Variants in EHMT1 observed in about 807,000 individuals in gnomAD.
EHMT1 encodes histone-lysine N-methyltransferase EHMT1.
In EHMT1, 15 loss-of-function variants were observed where a neutral mutation model predicts 147.2. The observed-to-expected ratio is 0.10, with a 90% CI of 0.07 to 0.16. The LOEUF (loss-of-function observed/expected upper bound fraction) is 0.16. Ranked by LOEUF, EHMT1 falls within the 10% of genes least tolerant of loss-of-function variation. EHMT1 has a pLI of 1.00. For missense variants in EHMT1, 1,587 were observed against 1,772.4 expected, an observed-to-expected ratio of 0.90 and a Z score of 1.88; for synonymous variants, 795 against 709.6, an observed-to-expected ratio of 1.12 and a Z score of -1.91.
chr9:137,760,827 G>A (rs1387823691), intron 9 of EHMT1, among the ~76,000 whole-genome samples: 1 of 152,184 alleles, frequency 6.6e-6, no homozygotes, highest in Non-Finnish European at 1.5e-5. Context: ...GGCTAACACA[G>A]TGAAACCCCG....
In EHMT1 at chr9:137,776,007, G is replaced by A. The variant is rs539345707; in HGVS notation, c.1792-611G>A. ...AGCTTCAGGCACCCAGAGATGCCCT[G>A]CTGCCCCTTTACGAACATGGGCCAA... is the stretch of plus-strand genomic sequence containing the variant. On this transcript the variant is annotated intron_variant, in intron 11 of 26. Transcript: ENST00000460843. This position sits in a 1 kb window ranked among gnomAD's most constrained non-coding sequence, Gnocchi z 4.4. 4.2e-4 allele frequency among the ~76,000 whole-genome samples: 64 copies of A among 152,276 alleles called. No individual in the cohort carries two copies. In the Middle Eastern group the frequency reaches 0.01, roughly 24 times the overall value.
In EHMT1 at chr9:137,776,792, G is replaced by A. The variant is rs376445192; in HGVS notation, c.1966G>A (p.Gly656Arg). 1.5e-5 allele frequency: 24 copies of A among 1,613,934 alleles called. No homozygotes were observed. Among genetic ancestry groups the A allele is most frequent in the African/African-American group, 5.3e-5 (4 of 74,912 alleles). ...CACCTCGACCGTGACACCAGTCCCC[G>A]GGCAGGAGAAGGGCTCGGCCCTGGA... ...DTTSTVTPVP[G>R]QEKGSALEGR... Residue 656 changes from glycine to arginine, a missense_variant, in exon 12 of 27, where the codon GGG (glycine) becomes AGG (arginine). Gly to Arg is a moderately radical substitution (Grantham distance 125). Around this residue, in one of 7 missense-constraint regions of EHMT1, gnomAD observed 124 missense variants for 197.8 expected, o/e 0.63. Coordinates refer to ENST00000460843, the MANE Select transcript of EHMT1 (RefSeq NM_024757.5). This position sits in a 1 kb window ranked among gnomAD's most constrained non-coding sequence, Gnocchi z 4.4.
At chr9:137,788,035 T>G in intron 15 of EHMT1, 1 of 1,389,692 alleles carries the variant, frequency 7.2e-7, no homozygotes, top group Non-Finnish European at 9.9e-7. Context: ...GGGAAGAGGG[T>G]TGAGGGCCTG....
chr9:137,720,742 G>T (rs1334316531), intron 3 of EHMT1, among the ~76,000 whole-genome samples: 1 of 152,166 alleles, frequency 6.6e-6, no homozygotes, highest in Admixed American at 6.5e-5. Flanking sequence ...TTGGTGTTCT[G>T]TGGGGTGTGG....
intron 2 of EHMT1, among the ~76,000 whole-genome samples, chr9:137,714,142 T>A (rs1944989303): frequency 6.6e-6 from 1 of 152,206 alleles, no homozygotes; most frequent in South Asian, 2.1e-4. Flanking sequence ...TGTTTCTTCC[T>A]TATGGCCCTA....
chr9:137,707,462 C>T, intron 1 of EHMT1, among the ~76,000 whole-genome samples: 1 of 152,160 alleles, frequency 6.6e-6, no homozygotes, highest in East Asian at 1.9e-4. Context: ...CTGCCCTGGG[C>T]CATCCTCAGC....
chr9:137,752,278 A>C (rs1274533255), intron 6 of EHMT1, 53 bp from the exon 7 acceptor site: 1 of 1,589,230 alleles, frequency 6.3e-7, no homozygotes, highest in Non-Finnish European at 8.6e-7. Flanking sequence ...TAAAGGATGT[A>C]ATTGGTTTCT....
intron 1 of EHMT1, among the ~76,000 whole-genome samples, chr9:137,682,716 C>T (rs922048780): frequency 1.3e-5 from 2 of 152,224 alleles, no homozygotes; most frequent in African/African-American, 4.8e-5. Flanking sequence ...GGTGAGCTGT[C>T]CCTGGGGTCA....
rs1424302063 is a variant in EHMT1 at position 137,835,528 on chromosome 9, T to G, written c.*575T>G. On this transcript the variant is annotated 3_prime_UTR_variant, in exon 27 of 27. Coordinates refer to ENST00000460843, the MANE Select transcript of EHMT1 (RefSeq NM_024757.5). ...TTGGAGAAAATGTGGGTTTGCTTTT[T>G]AAAGGAATCCTATATCTAGTCCTAT... 1.3e-5 allele frequency: 2 copies of G among 152,526 alleles called. No homozygotes were observed. Among genetic ancestry groups the G allele is most frequent in the Non-Finnish European group, 2.9e-5 (2 of 67,940 alleles). 9.4% of individuals were successfully genotyped at this position (152,526 alleles called of 1,614,324 possible).
chr9:137,751,370 G>C lies in EHMT1; in HGVS notation c.1171-961G>C, dbSNP rs190698301. Among the ~76,000 whole-genome samples, 3 of 152,332 alleles carry C rather than the reference G, an allele frequency of 2.0e-5. No homozygotes were observed. In the East Asian group the frequency reaches 5.8e-4, roughly 29 times the overall value. The stretch of plus-strand genomic sequence containing the variant: ...GGGGTCTCGCTGTGTTGCCCAGGCT[G>C]GTCTTGAACTTCTGGCCTCAAGCAG... On this transcript the variant is annotated intron_variant, in intron 6 of 26. Transcript: ENST00000460843.
intron 10 of EHMT1, among the ~76,000 whole-genome samples, chr9:137,769,949 G>C (rs1950487984): frequency 6.6e-6 from 1 of 152,016 alleles, no homozygotes; most frequent in Non-Finnish European, 1.5e-5. Flanking sequence ...CAATTCTCCT[G>C]CCTTGGCCCC....
rs146713728 is a variant in EHMT1, at chr9:137,697,290, A to C, written c.22-13677A>C. 1,898 of 219,332 alleles carry C rather than the reference A, an allele frequency of 8.7e-3. 44 individuals carry two copies. The highest frequency in any genetic ancestry group is 0.041 in the African/African-American group (1,721 of 42,230). 13.6% of individuals were successfully genotyped at this position (219,332 alleles called of 1,614,324 possible). A position where few individuals can be genotyped will look rare whatever the true frequency, so the allele number is the denominator to read the frequency against. On this transcript the variant is annotated intron_variant, in intron 1 of 26. Coordinates refer to ENST00000460843, the MANE Select transcript of EHMT1 (RefSeq NM_024757.5). ...AGTTTGTCTGTTTCAAAACAAACAAACAACCAGTGCAGAGTTTGAGATCCA... is the reference window on the plus strand; with the variant it reads ...AGTTTGTCTGTTTCAAAACAAACAACCAACCAGTGCAGAGTTTGAGATCCA...
At chr9:137,777,559 A>G (rs1268450943) in intron 12 of EHMT1, among the ~76,000 whole-genome samples, 1 of 152,212 alleles carries the variant, frequency 6.6e-6, no homozygotes, top group Non-Finnish European at 1.5e-5. Flanking sequence ...ATTCCTTCCT[A>G]TTAACCTGTA....
At chr9:137,712,879 T>C (rs1296742678) in intron 2 of EHMT1, among the ~76,000 whole-genome samples, 2 of 152,198 alleles carry the variant, frequency 1.3e-5, no homozygotes, top group African/African-American at 4.8e-5. Flanking sequence ...AACATTTACA[T>C]TTATTTTTTC....
chr9:137,834,634 C>T (rs1212134205), intron 26 of EHMT1, 110 bp downstream of exon 26: 1 of 1,594,270 alleles, frequency 6.3e-7, no homozygotes, highest in Admixed American at 1.7e-5. Flanking sequence ...AGTGGTTTTC[C>T]TGTAGTTCTA....
At chr9:137,803,947 A>G (rs528636491) in intron 18 of EHMT1, among the ~76,000 whole-genome samples, 3 of 152,152 alleles carry the variant, frequency 2.0e-5, no homozygotes, top group Non-Finnish European at 4.4e-5. Flanking sequence ...TCTACCTAAG[A>G]CTGTAATTTA....
At chr9:137,794,829 A>G (rs1422973741) in intron 16 of EHMT1, among the ~76,000 whole-genome samples, 2 of 152,206 alleles carry the variant, frequency 1.3e-5, no homozygotes, top group East Asian at 1.9e-4. Flanking sequence ...CCTTCAGCGA[A>G]TGATGGTGAA....
intron 25 of EHMT1, among the ~76,000 whole-genome samples, chr9:137,826,443 C>T (rs945828782): frequency 2.0e-5 from 3 of 152,246 alleles, no homozygotes; most frequent in African/African-American, 7.2e-5. Flanking sequence ...GTCACCCCAG[C>T]TGACTTTAGC....
intron 10 of EHMT1, among the ~76,000 whole-genome samples, chr9:137,772,369 T>TA (rs1950641681): frequency 7.0e-6 from 1 of 142,496 alleles, no homozygotes; most frequent in African/African-American, 2.6e-5. Context: ...AAACAGACAC[T>TA]AAAAAAATAG....
Sources: gnomAD v4.1 joint callset for allele counts (sites outside exome capture counted in the v4.1 genomes callset) on GRCh38, gnomAD v4.1.1 for gene constraint, gnomAD v4.1.1 regional missense constraint, Gnocchi (gnomAD v3.1) non-coding constraint, MANE v1.5 for transcripts, NCBI Gene and HGNC (gene_info 2026-07-23, HGNC 2026-07-21) for gene names.